The following DNAH12 variants were observed in gnomAD, a reference collection of about 807,000 sequenced individuals.
DNAH12 encodes axonemal beta dynein heavy chain 12.
In DNAH12, 285 loss-of-function variants were observed where a neutral mutation model predicts 371.5. The observed-to-expected ratio is 0.77, with a 90% CI of 0.70 to 0.85. The LOEUF is 0.85. Ranked by LOEUF, DNAH12 falls within the 40% of genes least tolerant of loss-of-function variation. The pLI, the probability that DNAH12 is intolerant of heterozygous loss-of-function variation, is 0.00. For synonymous variants in DNAH12, 1,200 were observed against 1,213.0 expected, an observed-to-expected ratio of 0.99 and a Z score of 0.22; for missense variants, 3,611 against 3,689.4, an observed-to-expected ratio of 0.98 and a Z score of 0.55.
chr3:57,419,046 A>G (rs2153359578), intron 37 of DNAH12, among the ~76,000 whole-genome samples: 1 of 152,336 alleles, frequency 6.6e-6, no homozygotes, highest in East Asian at 1.9e-4. Flanking sequence ...ATGTCTCAGG[A>G]GTACGCTGAA....
At chr3:57,412,899 G>A (rs1316341513) in intron 39 of DNAH12, among the ~76,000 whole-genome samples, 2 of 152,068 alleles carry the variant, frequency 1.3e-5, no homozygotes, top group African/African-American at 2.4e-5. Context: ...AAAACTAAAC[G>A]TATTCTTACC....
chr3:57,342,484 C>A (rs372198531), intron 60 of DNAH12, among the ~76,000 whole-genome samples: 248 of 66,024 alleles, frequency 3.8e-3, no homozygotes, highest in East Asian at 0.013. Context: ...ACTAAAAATA[C>A]AAAAAAAAAA....
At chr3:57,429,028 A>G (rs2064871545) in intron 33 of DNAH12, among the ~76,000 whole-genome samples, 1 of 152,180 alleles carries the variant, frequency 6.6e-6, no homozygotes, top group South Asian at 2.1e-4. Flanking sequence ...ATGTCTTTAA[A>G]CATTATCTCG....
At chr3:57,305,683 A>G (rs2107666265) in intron 69 of DNAH12, among the ~76,000 whole-genome samples, 1 of 152,324 alleles carries the variant, frequency 6.6e-6, no homozygotes, top group East Asian at 1.9e-4. Flanking sequence ...TAAAAGGTCA[A>G]AAGGCCGTCT....
Position 57,404,533 on chromosome 3 carries a change from T to G in DNAH12, c.6755+436A>C, listed in dbSNP as rs2063966337. Among the ~76,000 whole-genome samples, 5 of 152,084 alleles carry G rather than the reference T, an allele frequency of 3.3e-5. No homozygotes were observed. In the South Asian group the frequency reaches 1.0e-3, roughly 32 times the overall value. ...GAGTTCGAGACCAGCCTGGCCAGTATGGTGAAACCCCATCTCTACTAAAAA... is the reference window on the plus strand; with the variant it reads ...GAGTTCGAGACCAGCCTGGCCAGTAGGGTGAAACCCCATCTCTACTAAAAA... On this transcript the variant is annotated intron_variant, in intron 42 of 73. Coordinates refer to ENST00000495027, the MANE Select transcript of DNAH12 (RefSeq NM_001366028.2).
chr3:57,453,163 A>C (rs2065805758), intron 24 of DNAH12, 84 bp downstream of exon 24: 1 of 1,470,122 alleles, frequency 6.8e-7, no homozygotes. Flanking sequence ...AATTCTGTTG[A>C]GAGAAGAATA....
At chr3:57,394,537 C>T (rs1001500741) in intron 43 of DNAH12, among the ~76,000 whole-genome samples, 2 of 152,150 alleles carry the variant, frequency 1.3e-5, no homozygotes, top group African/African-American at 4.8e-5. Context: ...CCCCAAAACC[C>T]TAGACATAAT....
chr3:57,496,423 A>G (rs2067324980), intron 11 of DNAH12, among the ~76,000 whole-genome samples: 1 of 152,206 alleles, frequency 6.6e-6, no homozygotes, highest in Admixed American at 6.5e-5. Context: ...GAAAATCCAT[A>G]TGATCAATTA....
At chr3:57,388,202 T>G (rs2063534646) in intron 45 of DNAH12, among the ~76,000 whole-genome samples, 1 of 152,108 alleles carries the variant, frequency 6.6e-6, no homozygotes, top group Non-Finnish European at 1.5e-5. Flanking sequence ...CAGACCTCCA[T>G]GTGGTTCATG....
At chr3:57,403,226 C>G (rs2063924497) in intron 43 of DNAH12, 83 bp downstream of exon 43, 3 of 1,342,088 alleles carry the variant, frequency 2.2e-6, no homozygotes, top group African/African-American at 3.0e-5. Flanking sequence ...GTTCAGTACA[C>G]AGCTACACAG....
intron 4 of DNAH12, among the ~76,000 whole-genome samples, chr3:57,511,519 C>T (rs962928843): frequency 6.6e-6 from 1 of 152,152 alleles, no homozygotes; most frequent in Non-Finnish European, 1.5e-5. Flanking sequence ...TTTCACTTTT[C>T]CCAAAATTGA....
chr3:57,331,214 A>C (rs1385342841), intron 62 of DNAH12, among the ~76,000 whole-genome samples: 1 of 152,238 alleles, frequency 6.6e-6, no homozygotes, highest in South Asian at 2.1e-4. Flanking sequence ...ACAGGCTTCC[A>C]AACACGGCAG....
In DNAH12 at chr3:57,480,402, CA is replaced by C. The variant is rs1263189467; in HGVS notation, c.1650+2973del. Among the ~76,000 whole-genome samples the C allele has an allele frequency of 3.3e-5, 5 of 152,110 alleles. No individual in the cohort carries two copies. The East Asian group carries it at 9.7e-4, about 29-fold the overall frequency. ...GTTGAATCTCTGAATAGACCAATAA[CA>C]GGCTCTGAAATTGAGGCAATAATTA... On this transcript the variant is annotated intron_variant, in intron 13 of 73. Transcript: ENST00000495027.
intron 17 of DNAH12, among the ~76,000 whole-genome samples, chr3:57,465,953 T>C (rs1369177588): frequency 6.6e-6 from 1 of 152,142 alleles, no homozygotes; most frequent in African/African-American, 2.4e-5. Flanking sequence ...TTATGAAGGT[T>C]GATGAGAGTA....
Position 57,468,843 on chromosome 3 carries a change from C to G in DNAH12, c.2242G>C (p.Ala748Pro). The G allele has an allele frequency of 6.6e-7, 1 of 1,525,446 alleles. No individual in the cohort carries two copies. Among genetic ancestry groups the G allele is most frequent in the South Asian group, 1.3e-5 (1 of 78,896 alleles). The allele number at this position is 1,525,446 out of a possible 1,614,324, so 94.5% of individuals were successfully genotyped here. The change falls in exon 17 of 74, where the codon GCA (alanine) becomes CCA (proline). Residue 748 changes from alanine to proline, a missense_variant. Physicochemically the swap from Ala to Pro is conservative, Grantham distance 27. Around this residue, in one of 3 missense-constraint regions of DNAH12, gnomAD observed 1,314 missense variants for 1,398.7 expected, o/e 0.94. Coordinates refer to ENST00000495027, the MANE Select transcript of DNAH12 (RefSeq NM_001366028.2). ...TCTTCCAAAGACCGTTTTCTTGCTGCCTTTCTTTTTTCTTGTAATTCTTTC... is the reference window on the plus strand; with the variant it reads ...TCTTCCAAAGACCGTTTTCTTGCTGGCTTTCTTTTTTCTTGTAATTCTTTC... ...LKKELQEKRK[A>P]ARKRSLEEEK...
At chr3:57,373,811 T>G (rs2063226847) in intron 55 of DNAH12, among the ~76,000 whole-genome samples, 1 of 152,240 alleles carries the variant, frequency 6.6e-6, no homozygotes, top group East Asian at 1.9e-4. Flanking sequence ...ATATTAAATT[T>G]TGCTTATTGC....
chr3:57,379,494 C>T (rs1039882519), intron 51 of DNAH12, among the ~76,000 whole-genome samples, 196 bp from the exon 52 acceptor site: 2 of 151,906 alleles, frequency 1.3e-5, no homozygotes, highest in Non-Finnish European at 2.9e-5. Flanking sequence ...GCAAAATATG[C>T]AAATGTATTA....
chr3:57,499,649 T>TATATATATATAC (rs2067455537), intron 11 of DNAH12, among the ~76,000 whole-genome samples: 1 of 19,712 alleles, frequency 5.1e-5, no homozygotes, highest in African/African-American at 1.8e-4. Flanking sequence ...AAAAAAAAAA[T>TATATATATATAC]ATATATATAT....
At chr3:57,339,965 G>C (rs1281441120) in intron 60 of DNAH12, among the ~76,000 whole-genome samples, 2 of 152,034 alleles carry the variant, frequency 1.3e-5, no homozygotes, top group African/African-American at 4.8e-5. Context: ...CAACTACTTG[G>C]GAGGCTGATA....
Sources: gnomAD v4.1 joint callset for allele counts (sites outside exome capture counted in the v4.1 genomes callset) on GRCh38, gnomAD v4.1.1 for gene constraint, gnomAD v4.1.1 regional missense constraint, MANE v1.5 for transcripts, NCBI Gene and HGNC (gene_info 2026-07-23, HGNC 2026-07-21) for gene names.